MTAP: variants seen among roughly 807,000 people sequenced by gnomAD.
The protein encoded by MTAP is methylthioadenosine phosphorylase.
MTAP carries 33 observed loss-of-function variants against 33.6 expected under a neutral mutation model. The observed-to-expected ratio is 0.98, with a 90% confidence interval of 0.74 to 1.31. The LOEUF is 1.31. MTAP is among the 40% of genes most tolerant of loss of function. MTAP has a pLI of 0.00. For synonymous variants in MTAP, 148 were observed against 125.7 expected, an observed-to-expected ratio of 1.18 and a Z score of -1.19; for missense variants, 367 against 360.0, an observed-to-expected ratio of 1.02 and a Z score of -0.16.
At chr9:21,881,923 C>T (rs1587272167) in intron 1 of MTAP, among the ~76,000 whole-genome samples, 1 of 151,884 alleles carries the variant, frequency 6.6e-6, no homozygotes, top group East Asian at 1.9e-4. Flanking sequence ...ATTTGCACAC[C>T]CATATTCATA....
At chr9:21,849,821 C>T (rs1230874598) in intron 5 of MTAP, among the ~76,000 whole-genome samples, 1 of 152,198 alleles carries the variant, frequency 6.6e-6, no homozygotes, top group East Asian at 1.9e-4. Flanking sequence ...GTGGTGACTC[C>T]AATTGCAGCT....
Position 21,863,168 on chromosome 9 carries a change from C to T in MTAP, c.*1154C>T, listed in dbSNP as rs1467076865. ...TTAACTATTTAAAAGACTAAATGCA[C>T]ATTTTATGGTATCTGATATTTTAAA... On this transcript the variant is annotated 3_prime_UTR_variant, in exon 8 of 8. Coordinates refer to ENST00000644715, the MANE Select transcript of MTAP (RefSeq NM_002451.4). 53 of 960,286 alleles carry T rather than the reference C, an allele frequency of 5.5e-5. No individual in the cohort carries two copies. Among genetic ancestry groups the T allele is most frequent in the Non-Finnish European group, 6.4e-5 (52 of 807,316 alleles). 59.5% of individuals were successfully genotyped at this position (960,286 alleles called of 1,614,324 possible).
rs1319698079 is a variant in MTAP at position 21,831,471 on chromosome 9, A to G, written c.348-6437A>G. ...CAGCCCGTCTAGTAGCTAGGATTAC[A>G]GGAATCTGCCACTGTGCTTGGTAAT... is the stretch of plus-strand genomic sequence containing the variant. On this transcript the variant is annotated intron_variant, in intron 4 of 7. Coordinates refer to ENST00000644715, the MANE Select transcript of MTAP (RefSeq NM_002451.4). Among the ~76,000 whole-genome samples the G allele has an allele frequency of 2.7e-5, 4 of 150,708 alleles. No homozygotes were observed. In the Admixed American group the frequency reaches 2.7e-4, roughly 10 times the overall value.
At chr9:21,884,802 C>T (rs1818081840) in intron 1 of MTAP, among the ~76,000 whole-genome samples, 1 of 152,136 alleles carries the variant, frequency 6.6e-6, no homozygotes, top group Admixed American at 6.6e-5. Flanking sequence ...AACATATGAA[C>T]TTTGGGGAGA....
At chr9:21,914,224 G>A (rs1433642187) in intron 1 of MTAP, among the ~76,000 whole-genome samples, 12 of 152,142 alleles carry the variant, frequency 7.9e-5, no homozygotes, top group Admixed American at 5.9e-4. Context: ...ACAGTGTGGC[G>A]ATTCCTCAAG....
chr9:21,881,665 T>A (rs1212940525), intron 1 of MTAP, among the ~76,000 whole-genome samples: 2 of 151,758 alleles, frequency 1.3e-5, no homozygotes, highest in Admixed American at 1.3e-4. Flanking sequence ...GAAATAGAAA[T>A]CAAAACCACA....
intron 1 of MTAP, among the ~76,000 whole-genome samples, chr9:21,810,411 G>GA (rs1824316385): frequency 6.9e-6 from 1 of 144,930 alleles, no homozygotes; most frequent in Admixed American, 6.7e-5. Flanking sequence ...AGACGAGGGA[G>GA]ATAGGAAAAG....
intron 1 of MTAP, among the ~76,000 whole-genome samples, chr9:21,882,738 T>G (rs1818034711): frequency 6.6e-6 from 1 of 151,998 alleles, no homozygotes; most frequent in South Asian, 2.1e-4. Flanking sequence ...TAGAACAAAT[T>G]GTCTCAATAA....
chr9:21,929,531 A>G, intron 1 of MTAP: 1 of 323,768 alleles, frequency 3.1e-6, no homozygotes. Flanking sequence ...CTGTTATGAG[A>G]AAAAGCTCAG....
chr9:21,930,897 C>A (rs186073518), intron 1 of MTAP: 181 of 639,520 alleles, frequency 2.8e-4, no homozygotes, highest in African/African-American at 2.5e-3. Flanking sequence ...ATGGGATCTT[C>A]CCTGGGTTCT....
intron 1 of MTAP, among the ~76,000 whole-genome samples, chr9:21,902,166 C>T (rs1365697797): frequency 6.6e-6 from 1 of 152,144 alleles, no homozygotes; most frequent in African/African-American, 2.4e-5. Context: ...CAAGGCTAAG[C>T]CACTAGGAAA....
intron 1 of MTAP, among the ~76,000 whole-genome samples, chr9:21,914,700 A>C (rs1333633769): frequency 6.6e-6 from 1 of 151,990 alleles, no homozygotes; most frequent in Non-Finnish European, 1.5e-5. Flanking sequence ...TAATGGGTGC[A>C]GCACACACCA....
intron 4 of MTAP, among the ~76,000 whole-genome samples, chr9:21,834,191 T>C (rs1831585929): frequency 6.6e-6 from 1 of 152,216 alleles, no homozygotes; most frequent in South Asian, 2.1e-4. Context: ...TGTTGTCTCA[T>C]TCAGTTTTCA....
chr9:21,831,558 CT>C (rs1554643450), intron 4 of MTAP, among the ~76,000 whole-genome samples: 4 of 151,972 alleles, frequency 2.6e-5, no homozygotes, highest in Non-Finnish European at 5.9e-5. Context: ...AACTCCTGGC[CT>C]CAAGCAGTCT....
chr9:21,909,550 T>G (rs939898283), intron 1 of MTAP, among the ~76,000 whole-genome samples: 1 of 152,138 alleles, frequency 6.6e-6, no homozygotes, highest in Non-Finnish European at 1.5e-5. Flanking sequence ...GTTATATTTC[T>G]AAGGCATATA....
intron 4 of MTAP, among the ~76,000 whole-genome samples, chr9:21,830,387 C>T (rs971357835): frequency 6.6e-6 from 1 of 152,176 alleles, no homozygotes; most frequent in Non-Finnish European, 1.5e-5. Context: ...TCTTCAGTGC[C>T]TATGCCTCCT....
Position 21,864,688 on chromosome 9 carries a change from A to C in MTAP, c.*2674A>C. On this transcript the variant is annotated 3_prime_UTR_variant, in exon 8 of 8. Coordinates refer to ENST00000644715, the MANE Select transcript of MTAP (RefSeq NM_002451.4). ...GAGGTAGCTACCATGGCTTGTTTCA[A>C]GGAAGGAAACTCTGGTACGGTGGCA... The C allele has an allele frequency of 1.0e-6, 1 of 985,438 alleles. No homozygotes were observed. Among genetic ancestry groups the C allele is most frequent in the Non-Finnish European group, 1.2e-6 (1 of 829,990 alleles). The allele number at this position is 985,438 out of a possible 1,614,324, so 61.0% of individuals were successfully genotyped here. A position where few individuals can be genotyped will look rare whatever the true frequency, so the allele number is the denominator to read the frequency against.
chr9:21,895,223 G>T (rs555119878), intron 1 of MTAP, among the ~76,000 whole-genome samples: 1 of 152,240 alleles, frequency 6.6e-6, no homozygotes, highest in South Asian at 2.1e-4. Context: ...ACCAAAGCAA[G>T]CCTAAGCAAA....
rs1184122454 is a variant in MTAP, at chr9:21,864,990, T to C, written c.*2976T>C. 5.1e-6 allele frequency: 5 copies of C among 985,340 alleles called. No individual in the cohort carries two copies. Among genetic ancestry groups the C allele is most frequent in the Non-Finnish European group, 6.0e-6 (5 of 829,946 alleles). The allele number at this position is 985,340 out of a possible 1,614,324, so 61.0% of individuals were successfully genotyped here. A position where few individuals can be genotyped will look rare whatever the true frequency, so the allele number is the denominator to read the frequency against. On this transcript the variant is annotated 3_prime_UTR_variant, in exon 8 of 8. Transcript: ENST00000644715. ...AGCCAGCACTTATCCAGTGAAACAA[T>C]TTGATAAGGTTTCAAGGAGTATCTG... is the stretch of plus-strand genomic sequence containing the variant.
Sources: allele counts gnomAD v4.1 joint callset (sites outside exome capture counted in the v4.1 genomes callset), GRCh38; gene constraint gnomAD v4.1.1; transcripts MANE v1.5; gene names NCBI Gene and HGNC (gene_info 2026-07-23, HGNC 2026-07-21).